Variants in TMEM63A observed in about 807,000 individuals in gnomAD.
TMEM63A encodes the protein mechanosensitive cation channel TMEM63A.
TMEM63A carries 76 observed loss-of-function variants against 100.6 expected under a neutral mutation model. That is an observed-to-expected ratio of 0.76 (90% confidence interval 0.63 to 0.91). TMEM63A has a LOEUF of 0.91. Among genes scored for constraint, TMEM63A ranks in the 40% least tolerant of loss-of-function variants. TMEM63A has a pLI of 0.00. For synonymous variants in TMEM63A, 401 were observed against 401.1 expected (o/e 1.00, Z 0.00); for missense variants, 876 against 1,008.8 (o/e 0.87, Z 1.78).
At chr1:225,859,674 C>A in intron 14 of TMEM63A, 1 of 298,814 alleles carries the variant, frequency 3.3e-6, no homozygotes. Flanking sequence ...GAGACAGAGT[C>A]TTGCTCAGTC....
At chr1:225,872,689 CTTTTT>C (rs67884791) in intron 4 of TMEM63A, among the ~76,000 whole-genome samples, 202 of 87,058 alleles carry the variant, frequency 2.3e-3, no homozygotes, top group Middle Eastern at 0.012. Context: ...TGCTTTTCTT[CTTTTT>C]TTTTTTTTTT....
intron 4 of TMEM63A, 40 bp from the exon 5 acceptor site, chr1:225,872,093 A>AG: frequency 2.1e-6 from 3 of 1,440,146 alleles, no homozygotes; most frequent in Non-Finnish European, 2.9e-6. Flanking sequence ...GATAATTCTT[A>AG]GAAAAAAAAA....
chr1:225,850,087 G>C lies in TMEM63A; in HGVS notation c.1904-8C>G. On this transcript the variant is annotated splice_region_variant and splice_polypyrimidine_tract_variant and intron_variant, in intron 20 of 24. Transcript: ENST00000366835. ...GCAGGATGTAGATGAGGCCTGCAGG[G>C]GATGGGGCTGTGAGCTGGAGACCTC... 6.2e-7 allele frequency: 1 copy of C among 1,613,940 alleles called. No individual in the cohort carries two copies. The highest frequency in any genetic ancestry group is 8.5e-7 in the Non-Finnish European group (1 of 1,179,884).
At chr1:225,870,451 C>CTG (rs1670454646) in intron 6 of TMEM63A, among the ~76,000 whole-genome samples, 3 of 151,630 alleles carry the variant, frequency 2.0e-5, no homozygotes, top group African/African-American at 4.9e-5. Context: ...CCCGCCCCCC[C>CTG]CCGCCTCCTG....
chr1:225,880,168 A>G (rs537152090), intron 1 of TMEM63A, among the ~76,000 whole-genome samples: 4 of 152,302 alleles, frequency 2.6e-5, no homozygotes, highest in African/African-American at 9.6e-5. Context: ...AGACGGAGGT[A>G]AGGTCAGGTG....
chr1:225,845,777 T>G lies in TMEM63A; in HGVS notation c.*1162A>C. ...GAGCAGAGGCAGCACTGGCCACCAC[T>G]GCGGGGGCAAGTCAGCGTCAAGAGA... On this transcript the variant is annotated 3_prime_UTR_variant, in exon 25 of 25. Coordinates refer to ENST00000366835, the MANE Select transcript of TMEM63A (RefSeq NM_014698.3). The G allele has an allele frequency of 3.6e-6, 1 of 278,374 alleles. No homozygotes were observed. The allele number at this position is 278,374 out of a possible 1,614,324, so 17.2% of individuals were successfully genotyped here.
downstream of TMEM63A, among the ~76,000 whole-genome samples, chr1:225,843,301 G>A (rs1307597544): frequency 3.9e-5 from 6 of 152,194 alleles, no homozygotes; most frequent in African/African-American, 7.2e-5. Flanking sequence ...GCTGGATGGA[G>A]GAGAGAAACT....
intron 23 of TMEM63A, 56 bp downstream of exon 23, chr1:225,848,436 T>G (rs1669134423): frequency 6.3e-7 from 1 of 1,598,364 alleles, no homozygotes; most frequent in Non-Finnish European, 8.6e-7. Context: ...TTGGGACTGT[T>G]ACAACCAAAG....
At chr1:225,860,662 G>A (rs1011232521) in intron 14 of TMEM63A, 198 bp downstream of exon 14, 2 of 457,988 alleles carry the variant, frequency 4.4e-6, no homozygotes, top group South Asian at 8.3e-5. Flanking sequence ...TGAATGCTAG[G>A]GAGGAACACT....
At chr1:225,878,775 C>G (rs1670937940) in intron 2 of TMEM63A, among the ~76,000 whole-genome samples, 1 of 152,084 alleles carries the variant, frequency 6.6e-6, no homozygotes, top group Non-Finnish European at 1.5e-5. Context: ...AGAACCCAAA[C>G]AGATGTTTGG....
Position 225,845,796 on chromosome 1 carries a change from CAA to C in TMEM63A, c.*1141_*1142del, listed in dbSNP as rs2102800218. ...CACCACTGCGGGGGCAAGTCAGCGT[CAA>C]GAGAGTCCCTGAGTGAGAAGGCCCA... On this transcript the variant is annotated 3_prime_UTR_variant, in exon 25 of 25. Coordinates refer to ENST00000366835, the MANE Select transcript of TMEM63A (RefSeq NM_014698.3). 1 of 265,866 alleles carries C rather than the reference CAA, an allele frequency of 3.8e-6. No individual in the cohort carries two copies. The highest frequency in any genetic ancestry group is 7.3e-6 in the Non-Finnish European group (1 of 137,092). The allele number at this position is 265,866 out of a possible 1,614,324, so 16.5% of individuals were successfully genotyped here. A position where few individuals can be genotyped will look rare whatever the true frequency, so the allele number is the denominator to read the frequency against.
chr1:225,854,689 G>A (rs535200750), intron 18 of TMEM63A, among the ~76,000 whole-genome samples: 2 of 152,328 alleles, frequency 1.3e-5, no homozygotes, highest in African/African-American at 4.8e-5. Context: ...TTACCAGCCT[G>A]GAGGTGCAGG....
chr1:225,876,919 G>A (rs895373974), intron 3 of TMEM63A, among the ~76,000 whole-genome samples: 1 of 152,142 alleles, frequency 6.6e-6, no homozygotes, highest in Admixed American at 6.5e-5. Context: ...AAAGTGCTGA[G>A]ATTACAGGCA....
intron 3 of TMEM63A, among the ~76,000 whole-genome samples, 179 bp from the exon 4 acceptor site, chr1:225,874,546 G>C (rs1670679140): frequency 6.6e-6 from 1 of 152,224 alleles, no homozygotes; most frequent in Non-Finnish European, 1.5e-5. Context: ...CGGATGCTTT[G>C]CTCACCCCCT....
intron 20 of TMEM63A, among the ~76,000 whole-genome samples, chr1:225,851,011 G>A (rs61033712): frequency 0.045 from 6,798 of 152,030 alleles, 217 homozygotes; most frequent in East Asian, 0.15. Flanking sequence ...GCACCCGGCA[G>A]TGTATGTCTT....
At position 225,862,322 on chromosome 1, in the gene TMEM63A, C is replaced by G; in HGVS notation, c.981G>C (p.Met327Ile). ...WEDAISYYTR[M>I]KDRLLERITE... ...TGATCCTCTCCAGCAGCCTGTCCTT[C>G]ATCCGTGTGTAGTAAGAGATGGCGT... The change falls in exon 13 of 25, where the codon ATG becomes ATC. Residue 327 changes from methionine (M) to isoleucine (I), a missense_variant. Met to Ile is a conservative substitution (Grantham distance 10). Coordinates refer to ENST00000366835, the MANE Select transcript of TMEM63A (RefSeq NM_014698.3). This position sits in a 1 kb window ranked among gnomAD's most constrained non-coding sequence, Gnocchi z 5.1. 1 of 1,614,204 alleles carries G rather than the reference C, an allele frequency of 6.2e-7. No homozygotes were observed. Among genetic ancestry groups the G allele is most frequent in the Non-Finnish European group, 8.5e-7 (1 of 1,180,040 alleles).
intron 1 of TMEM63A, among the ~76,000 whole-genome samples, chr1:225,881,572 A>T (rs1032432694): frequency 2.0e-5 from 3 of 152,164 alleles, no homozygotes; most frequent in African/African-American, 7.2e-5. Flanking sequence ...GCTTCCGTTC[A>T]TATCCCCCTT....
downstream of TMEM63A, among the ~76,000 whole-genome samples, chr1:225,842,639 G>C (rs1485665582): frequency 6.6e-6 from 1 of 152,194 alleles, no homozygotes; most frequent in Non-Finnish European, 1.5e-5. Flanking sequence ...TGCATTTTTT[G>C]GGTGAGGTGG....
chr1:225,863,118 A>G, intron 10 of TMEM63A: 2 of 436,804 alleles, frequency 4.6e-6, no homozygotes, highest in Non-Finnish European at 8.5e-6. Context: ...CAGTGGCACA[A>G]TCATGGCTCA....
Sources: gnomAD v4.1 joint callset for allele counts (sites outside exome capture counted in the v4.1 genomes callset) on GRCh38, gnomAD v4.1.1 for gene constraint, Gnocchi (gnomAD v3.1) non-coding constraint, MANE v1.5 for transcripts, NCBI Gene and HGNC (gene_info 2026-07-23, HGNC 2026-07-21) for gene names.